Variants in ZFHX3 observed in about 807,000 individuals in gnomAD.
ZFHX3 encodes zinc finger homeobox 3.
In ZFHX3, 42 loss-of-function variants were observed where a neutral mutation model predicts 279.1. The ratio of observed to expected loss-of-function variants is 0.15; its 90% CI spans 0.12 to 0.19. The LOEUF is 0.19. Among genes scored for constraint, ZFHX3 ranks in the 10% least tolerant of loss-of-function variants. The pLI, the probability that ZFHX3 is intolerant of heterozygous loss-of-function variation, is 1.00. For synonymous variants in ZFHX3, 2,293 were observed against 1,957.8 expected (o/e 1.17, Z -4.52); for missense variants, 4,981 against 4,754.0 (o/e 1.05, Z -1.40).
chr16:73,684,372 G>A (rs2053057002), intron 1 of ZFHX3, among the ~76,000 whole-genome samples: 2 of 151,910 alleles, frequency 1.3e-5, no homozygotes, highest in African/African-American at 4.8e-5. Flanking sequence ...GTAATGACAT[G>A]AACTTTAGGA....
chr16:73,755,459 A>G (rs2053799919), intron 1 of ZFHX3, among the ~76,000 whole-genome samples: 1 of 152,244 alleles, frequency 6.6e-6, no homozygotes, highest in Non-Finnish European at 1.5e-5. Flanking sequence ...GTTTTTCAAG[A>G]CAGTGCATAG....
Position 72,788,597 on chromosome 16 carries a change from G to A in ZFHX3, c.9679C>T (p.Gln3227Ter), listed in dbSNP as rs1460471877. 1 of 1,613,528 alleles carries A rather than the reference G, an allele frequency of 6.2e-7. No homozygotes were observed. The highest frequency in any genetic ancestry group is 1.3e-5 in the African/African-American group (1 of 74,894). Reference sequence around the variant, plus strand: ...TTGTCCTTGCGTTGCTGCTGCTGTTGCAGTGGGAGCTGTGGTGTGGGTGGC... The same window carrying A: ...TTGTCCTTGCGTTGCTGCTGCTGTTACAGTGGGAGCTGTGGTGTGGGTGGC... ...QPPPTPQLPL[Q>*]QQQQRKDKDS... Residue 3227 changes from glutamine to a stop codon, truncating the protein, a stop_gained, in exon 10 of 10, where the codon CAA becomes TAA. Coordinates refer to ENST00000268489, the MANE Select transcript of ZFHX3 (RefSeq NM_006885.4). LOFTEE classifies it high-confidence loss of function.
At chr16:73,062,658 T>C (rs1224921261), upstream of ZFHX3, among the ~76,000 whole-genome samples, 1 of 151,296 alleles carries the variant, frequency 6.6e-6, no homozygotes, top group East Asian at 1.9e-4. Context: ...AGATCTCACT[T>C]GGAAAAAGCC....
intron 4 of ZFHX3, among the ~76,000 whole-genome samples, chr16:73,301,844 G>A (rs1330449504): frequency 6.7e-5 from 10 of 148,546 alleles, no homozygotes; most frequent in South Asian, 2.1e-4. Context: ...CCTTTCTTAC[G>A]GCTTCAATCT....
chr16:72,986,903 T>C (rs1000568827), intron 1 of ZFHX3, among the ~76,000 whole-genome samples: 2 of 152,102 alleles, frequency 1.3e-5, no homozygotes, highest in East Asian at 1.9e-4. Context: ...TCCAGAACTT[T>C]TGGAGGCCGA....
At chr16:73,214,868 T>TC (rs2012148981) in intron 5 of ZFHX3, among the ~76,000 whole-genome samples, 1 of 145,574 alleles carries the variant, frequency 6.9e-6, no homozygotes, top group Non-Finnish European at 1.5e-5. Context: ...TTTTTTTTTT[T>TC]CTGTTGTTCA....
At chr16:73,546,568 G>A (rs1202200942) in intron 2 of ZFHX3, among the ~76,000 whole-genome samples, 2 of 152,118 alleles carry the variant, frequency 1.3e-5, no homozygotes, top group African/African-American at 4.8e-5. Flanking sequence ...AGCGGCATGC[G>A]TGTCTGTGCT....
chr16:73,755,097 T>A (rs1271530199), intron 1 of ZFHX3, among the ~76,000 whole-genome samples: 1 of 152,184 alleles, frequency 6.6e-6, no homozygotes, highest in Non-Finnish European at 1.5e-5. Flanking sequence ...AATGATAAAT[T>A]CATTCATCAT....
intron 2 of ZFHX3, among the ~76,000 whole-genome samples, chr16:73,462,587 ATTTC>A (rs1244959837): frequency 6.6e-6 from 1 of 152,092 alleles, no homozygotes; most frequent in Non-Finnish European, 1.5e-5. Flanking sequence ...TGAAGTTACT[ATTTC>A]TTTATTTCTA....
chr16:73,082,212 A>T (rs1321683738), intron 8 of ZFHX3, among the ~76,000 whole-genome samples: 2 of 151,980 alleles, frequency 1.3e-5, no homozygotes, highest in African/African-American at 4.8e-5. Flanking sequence ...GCCTCAAAAT[A>T]TCTCATGGTA....
At chr16:73,588,938 A>G (rs1420747242) in intron 2 of ZFHX3, among the ~76,000 whole-genome samples, 2 of 151,942 alleles carry the variant, frequency 1.3e-5, no homozygotes, top group Non-Finnish European at 2.9e-5. Flanking sequence ...AAGAGAGCCC[A>G]GAGTCTGGTT....
At chr16:73,734,345 C>G (rs559728394) in intron 1 of ZFHX3, among the ~76,000 whole-genome samples, 9 of 152,226 alleles carry the variant, frequency 5.9e-5, no homozygotes, top group Admixed American at 3.3e-4. Context: ...CATATTTTTA[C>G]TAGAATAAAC....
chr16:73,495,909 T>C (rs992122433), intron 2 of ZFHX3, among the ~76,000 whole-genome samples: 7 of 152,356 alleles, frequency 4.6e-5, no homozygotes, highest in African/African-American at 1.4e-4. Flanking sequence ...TGCATTTTAA[T>C]TTCTATTCTT....
At chr16:73,117,924 T>C (rs1966451223) in intron 7 of ZFHX3, among the ~76,000 whole-genome samples, 1 of 152,236 alleles carries the variant, frequency 6.6e-6, no homozygotes, top group Non-Finnish European at 1.5e-5. Context: ...TGCCTTCATC[T>C]TGGACTTCCC....
chr16:73,576,861 C>T (rs2051805402), intron 2 of ZFHX3, among the ~76,000 whole-genome samples: 1 of 152,152 alleles, frequency 6.6e-6, no homozygotes. Flanking sequence ...TTTTTCTCTG[C>T]TCCTCTCTCT....
At chr16:73,724,283 T>C (rs776522644) in intron 1 of ZFHX3, among the ~76,000 whole-genome samples, 1 of 152,202 alleles carries the variant, frequency 6.6e-6, no homozygotes, top group South Asian at 2.1e-4. Flanking sequence ...CAATTCTAAT[T>C]TGGAGACTAC....
In ZFHX3 at chr16:72,783,371, AC is replaced by A. The variant is rs914113018; in HGVS notation, c.*3792del. 1.4e-4 allele frequency: 21 copies of A among 152,226 alleles called. No homozygotes were observed. Among genetic ancestry groups the A allele is most frequent in the African/African-American group, 3.9e-4 (16 of 41,304 alleles). The allele number at this position is 152,226 out of a possible 1,614,324, so 9.4% of individuals were successfully genotyped here. A position where few individuals can be genotyped will look rare whatever the true frequency, so the allele number is the denominator to read the frequency against. Reference sequence around the variant, plus strand: ...GGCAGTATCTCAGCGCCAACAAACAACTCAATTTATGCTTCTATTTAAAATG... The same window carrying A: ...GGCAGTATCTCAGCGCCAACAAACAATCAATTTATGCTTCTATTTAAAATG... On this transcript the variant is annotated 3_prime_UTR_variant, in exon 10 of 10. Coordinates refer to ENST00000268489, the MANE Select transcript of ZFHX3 (RefSeq NM_006885.4).
chr16:73,443,389 C>T (rs541240912), intron 3 of ZFHX3, among the ~76,000 whole-genome samples: 1 of 152,276 alleles, frequency 6.6e-6, no homozygotes, highest in South Asian at 2.1e-4. Context: ...GACATGATAA[C>T]GATGTACAAC....
intron 3 of ZFHX3, among the ~76,000 whole-genome samples, chr16:73,390,279 G>C (rs1302686257): frequency 6.6e-6 from 1 of 152,028 alleles, no homozygotes; most frequent in Non-Finnish European, 1.5e-5. Flanking sequence ...AAGATATCAG[G>C]TGCTTTCTCA....
Sources: allele counts gnomAD v4.1 joint callset (sites outside exome capture counted in the v4.1 genomes callset), GRCh38; gene constraint gnomAD v4.1.1; transcripts MANE v1.5; gene names NCBI Gene and HGNC (gene_info 2026-07-23, HGNC 2026-07-21).